The following GALNT7 variants were observed in gnomAD, a reference collection of about 807,000 sequenced individuals.
GALNT7 encodes polypeptide N-acetylgalactosaminyltransferase 7.
Under a neutral mutation model 82.1 loss-of-function variants are expected in GALNT7, and 60 were observed. The ratio of observed to expected loss-of-function variants is 0.73; its 90% CI spans 0.59 to 0.91. The LOEUF (loss-of-function observed/expected upper bound fraction) is 0.91, where lower values mean the gene tolerates loss of function less well. Among genes scored for constraint, GALNT7 ranks in the 40% least tolerant of loss-of-function variants. The pLI, the probability that GALNT7 is intolerant of heterozygous loss-of-function variation, is 0.00. For synonymous variants in GALNT7, 243 were observed against 275.1 expected (o/e 0.88, Z 1.15); for missense variants, 660 against 804.2 (o/e 0.82, Z 2.17).
rs992674576 is a variant in GALNT7 at position 173,186,633 on chromosome 4, T to C, written c.126+17672T>C. On this transcript the variant is annotated intron_variant, in intron 1 of 11. Coordinates refer to ENST00000265000, the MANE Select transcript of GALNT7 (RefSeq NM_017423.3). Reference sequence around the variant, plus strand: ...AAAATACTTAAGTTCTGCAAACTTATTATGAATTCATTATTTTGAATTGTA... The same window carrying C: ...AAAATACTTAAGTTCTGCAAACTTACTATGAATTCATTATTTTGAATTGTA... 1.7e-4 allele frequency among the ~76,000 whole-genome samples: 26 copies of C among 152,202 alleles called. 1 individual carries two copies. The highest frequency in any genetic ancestry group is 9.8e-4 in the Admixed American group (15 of 15,276).
rs1028671210 is a variant in GALNT7 at position 173,184,417 on chromosome 4, C to T, written c.126+15456C>T. On this transcript the variant is annotated intron_variant, in intron 1 of 11. Transcript: ENST00000265000. ...CTGGAGACCAGCCCGACCAACACGG[C>T]GAAACCCCGTCTCCACCAAGAAATA... 4.0e-4 allele frequency among the ~76,000 whole-genome samples: 61 copies of T among 152,074 alleles called. 1 individual carries two copies. Among genetic ancestry groups the T allele is most frequent in the East Asian group, 9.7e-4 (5 of 5,164 alleles).
At chr4:173,235,484 A>G (rs1734189811) in intron 1 of GALNT7, among the ~76,000 whole-genome samples, 1 of 152,050 alleles carries the variant, frequency 6.6e-6, no homozygotes, top group African/African-American at 2.4e-5. Context: ...GTCTTCACCT[A>G]AGTAACTTCT....
At chr4:173,205,259 CTGGGATGGG>C (rs1733050562) in intron 1 of GALNT7, among the ~76,000 whole-genome samples, 1 of 151,928 alleles carries the variant, frequency 6.6e-6, no homozygotes. Flanking sequence ...TGACCACGTA[CTGGGATGGG>C]CCTGGTACCC....
intron 2 of GALNT7, among the ~76,000 whole-genome samples, chr4:173,268,530 GTTTTTTT>G (rs60894562): frequency 9.6e-5 from 5 of 52,336 alleles, no homozygotes; most frequent in South Asian, 2.1e-3. Context: ...TTTCTCTCTC[GTTTTTTT>G]TTTTTTTTTT....
chr4:173,196,849 A>G (rs1237458023), intron 1 of GALNT7, among the ~76,000 whole-genome samples: 1 of 152,190 alleles, frequency 6.6e-6, no homozygotes, highest in Non-Finnish European at 1.5e-5. Flanking sequence ...TTTGATGACT[A>G]TAGTGTAATA....
chr4:173,175,119 T>C (rs1230364502), intron 1 of GALNT7, among the ~76,000 whole-genome samples: 1 of 152,258 alleles, frequency 6.6e-6, no homozygotes, highest in Non-Finnish European at 1.5e-5. Flanking sequence ...GGAAAATGAC[T>C]GTGATTATTC....
rs368004801 is a variant in GALNT7, at chr4:173,224,244, A to G, written c.127-23736A>G. Among the ~76,000 whole-genome samples, 42 of 152,258 alleles carry G rather than the reference A, an allele frequency of 2.8e-4. 1 individual carries two copies. The East Asian group carries it at 5.2e-3, about 19-fold the overall frequency. ...TTCTAAAAAGTTAGGGTAATTTGTA[A>G]TCCTTCCCCTTTACCACGTTTCGAG... is the stretch of plus-strand genomic sequence containing the variant. On this transcript the variant is annotated intron_variant, in intron 1 of 11. Coordinates refer to ENST00000265000, the MANE Select transcript of GALNT7 (RefSeq NM_017423.3).
At position 173,284,370 on chromosome 4, in the gene GALNT7, A is replaced by G. The variant is rs369788648; in HGVS notation, c.588-7738A>G. On this transcript the variant is annotated intron_variant, in intron 2 of 11. Coordinates refer to ENST00000265000, the MANE Select transcript of GALNT7 (RefSeq NM_017423.3). ...TGGCATACAATAACCCAACATAACA[A>G]CCTTAATTGTGATTGATAGCAAATA... Among the ~76,000 whole-genome samples the G allele has an allele frequency of 5.1e-4, 77 of 152,328 alleles. 1 individual carries two copies. The South Asian group carries it at 7.9e-3, about 16-fold the overall frequency.
intron 1 of GALNT7, among the ~76,000 whole-genome samples, chr4:173,194,965 G>C (rs1245557972): frequency 1.3e-5 from 2 of 152,166 alleles, no homozygotes; most frequent in African/African-American, 2.4e-5. Context: ...CTCTGGCTTA[G>C]ATTTTCTTAG....
intron 1 of GALNT7, among the ~76,000 whole-genome samples, chr4:173,227,613 G>C (rs1733877713): frequency 6.6e-6 from 1 of 152,188 alleles, no homozygotes; most frequent in Non-Finnish European, 1.5e-5. Context: ...TTACAGGCCT[G>C]AGCCAACACT....
At chr4:173,268,829 G>A (rs776125358) in intron 2 of GALNT7, among the ~76,000 whole-genome samples, 10 of 151,676 alleles carry the variant, frequency 6.6e-5, no homozygotes, top group African/African-American at 9.7e-5. Context: ...GTGAGCCACC[G>A]CACCCGGACA....
chr4:173,296,558 C>T (rs922393160), intron 5 of GALNT7, among the ~76,000 whole-genome samples: 1 of 152,130 alleles, frequency 6.6e-6, no homozygotes, highest in Non-Finnish European at 1.5e-5. Flanking sequence ...TGATTTAATC[C>T]TCACAGCAAC....
At chr4:173,178,775 A>G (rs959765386) in intron 1 of GALNT7, among the ~76,000 whole-genome samples, 2 of 152,230 alleles carry the variant, frequency 1.3e-5, no homozygotes, top group Admixed American at 6.5e-5. Flanking sequence ...GGTACGATTA[A>G]CTATAGTATT....
chr4:173,206,227 A>G (rs976661603), intron 1 of GALNT7, among the ~76,000 whole-genome samples: 16 of 152,180 alleles, frequency 1.1e-4, no homozygotes, highest in African/African-American at 3.6e-4. Context: ...TCCTTCCCCC[A>G]TACTGAGGAT....
At chr4:173,318,771 A>G (rs1213422771) in intron 11 of GALNT7, 1 of 406,002 alleles carries the variant, frequency 2.5e-6, no homozygotes, top group East Asian at 5.1e-5. Flanking sequence ...CAATATTGTC[A>G]TGTAATGAGG....
chr4:173,281,716 C>G (rs1265910144), intron 2 of GALNT7, among the ~76,000 whole-genome samples: 2 of 152,204 alleles, frequency 1.3e-5, no homozygotes, highest in Admixed American at 1.3e-4. Flanking sequence ...ATGGAGGCTG[C>G]GCACAAATCC....
In GALNT7 at chr4:173,323,212, A is replaced by G. The variant is rs1331270218; in HGVS notation, c.*1495A>G. 1 of 152,486 alleles carries G rather than the reference A, an allele frequency of 6.6e-6. No homozygotes were observed. Among genetic ancestry groups the G allele is most frequent in the Non-Finnish European group, 1.5e-5 (1 of 67,966 alleles). 9.4% of individuals were successfully genotyped at this position (152,486 alleles called of 1,614,324 possible). On this transcript the variant is annotated 3_prime_UTR_variant, in exon 12 of 12. Coordinates refer to ENST00000265000, the MANE Select transcript of GALNT7 (RefSeq NM_017423.3). The stretch of plus-strand genomic sequence containing the variant: ...GATCCTGTAATCATGGTATCATTAC[A>G]ATGAAAGGAATTCACAAACTACTGC...
chr4:173,300,363 G>T (rs1158166611), intron 6 of GALNT7, among the ~76,000 whole-genome samples: 1 of 152,118 alleles, frequency 6.6e-6, no homozygotes, highest in Non-Finnish European at 1.5e-5. Context: ...CAAAACTCTG[G>T]AACAGCAGCT....
At chr4:173,225,462 T>C (rs549229704) in intron 1 of GALNT7, among the ~76,000 whole-genome samples, 2 of 152,322 alleles carry the variant, frequency 1.3e-5, no homozygotes, top group South Asian at 4.1e-4. Flanking sequence ...TCCTTACAGT[T>C]CTTCAGAAGA....
Sources: allele counts gnomAD v4.1 joint callset (sites outside exome capture counted in the v4.1 genomes callset), GRCh38; gene constraint gnomAD v4.1.1; transcripts MANE v1.5; gene names NCBI Gene and HGNC (gene_info 2026-07-23, HGNC 2026-07-21).